Variants in ARHGAP6 observed in about 807,000 individuals in gnomAD.
ARHGAP6 encodes the protein rho GTPase-activating protein 6.
In ARHGAP6, 16 loss-of-function variants were observed where a neutral mutation model predicts 55.7. The ratio of observed to expected loss-of-function variants is 0.29; its 90% CI spans 0.19 to 0.44. The LOEUF is 0.44. Ranked by LOEUF, ARHGAP6 falls within the 20% of genes least tolerant of loss-of-function variation. The probability of loss-of-function intolerance (pLI) is 1.00; values close to 1 mark genes in which losing one functional copy is unlikely to be tolerated. For missense variants in ARHGAP6, 698 were observed against 808.9 expected (o/e 0.86, Z 1.66); for synonymous variants, 382 against 360.9 (o/e 1.06, Z -0.66).
intron 9 of ARHGAP6, 188 bp downstream of exon 9, chrX:11,169,317 T>A (rs2046057064): frequency 3.1e-6 from 1 of 321,108 alleles, no homozygotes; most frequent in African/African-American, 2.7e-5. Context: ...TGTTTAAACA[T>A]GGAGTCACAA....
chrX:11,525,220 G>C (rs764037553), intron 1 of ARHGAP6, among the ~76,000 whole-genome samples: 94 of 111,769 alleles, frequency 8.4e-4, no homozygotes, highest in African/African-American at 2.9e-3. Flanking sequence ...CCCTGACTCC[G>C]GTTGTTGGCA....
chrX:11,411,183 T>TTATATATATATA (rs201875323), intron 1 of ARHGAP6, among the ~76,000 whole-genome samples: 662 of 31,676 alleles, frequency 0.021, 22 homozygotes, highest in East Asian at 0.088. Context: ...CAGACATTAT[T>TTATATATATATA]TATATATATA....
intron 1 of ARHGAP6, among the ~76,000 whole-genome samples, chrX:11,617,939 C>T (rs1383017431): frequency 9.0e-6 from 1 of 111,587 alleles, no homozygotes; most frequent in African/African-American, 3.3e-5. Context: ...TATTTCTGTT[C>T]CTGCCAGGTA....
chrX:11,263,056 C>T (rs1209213791), intron 1 of ARHGAP6, among the ~76,000 whole-genome samples: 1 of 110,594 alleles, frequency 9.0e-6, no homozygotes, highest in Non-Finnish European at 1.9e-5. Flanking sequence ...ATGTTTGTCC[C>T]CTCCAAATCT....
chrX:11,407,585 G>A (rs1018548810), intron 1 of ARHGAP6, among the ~76,000 whole-genome samples: 2 of 111,683 alleles, frequency 1.8e-5, no homozygotes, highest in African/African-American at 6.5e-5. Flanking sequence ...TTTTCAAAGT[G>A]GCTGCAGCAT....
chrX:11,323,772 G>A (rs766701943), intron 1 of ARHGAP6, among the ~76,000 whole-genome samples: 2 of 107,091 alleles, frequency 1.9e-5, no homozygotes, highest in South Asian at 8.7e-4. Context: ...GGCTGAGGCA[G>A]GAGAATTGCT....
chrX:11,197,109 T>A (rs1053085115), intron 2 of ARHGAP6, 113 bp from the exon 3 acceptor site: 1 of 457,408 alleles, frequency 2.2e-6, no homozygotes, highest in African/African-American at 2.4e-5. Context: ...ACTTATAATT[T>A]GACATTTTAA....
intron 1 of ARHGAP6, among the ~76,000 whole-genome samples, chrX:11,369,348 C>T (rs2049118615): frequency 9.0e-6 from 1 of 111,148 alleles, no homozygotes; most frequent in Non-Finnish European, 1.9e-5. Flanking sequence ...AGATCCTATT[C>T]AGCAGGTCTG....
At position 11,188,880 on chromosome X, in the gene ARHGAP6, A is replaced by G; in HGVS notation, c.925T>C (p.Ser309Pro). 8.3e-7 allele frequency: 1 copy of G among 1,211,535 alleles called. No homozygotes were observed. The highest frequency in any genetic ancestry group is 1.7e-5 in the African/African-American group (1 of 57,729). Reference sequence around the variant, plus strand: ...GGGAGGAGGGAAGCCACAAAGTCAGATGCATCTTTCTGCTCGTCCCTCTGC... The same window carrying G: ...GGGAGGAGGGAAGCCACAAAGTCAGGTGCATCTTTCTGCTCGTCCCTCTGC... ...DLQRDEQKDASDFVASLLPFG... is the reference protein window; with the variant it reads ...DLQRDEQKDAPDFVASLLPFG... The change falls in exon 4 of 13, where the codon TCT becomes CCT. Residue 309 changes from serine (S) to proline (P), a missense_variant. Physicochemically the swap from Ser to Pro is moderately conservative, Grantham distance 74. Around this residue, in one of 3 missense-constraint regions of ARHGAP6, gnomAD observed 322 missense variants for 451.1 expected, o/e 0.71. Coordinates refer to ENST00000337414, the MANE Select transcript of ARHGAP6 (RefSeq NM_013427.3).
At chrX:11,401,989 A>G (rs999332746) in intron 1 of ARHGAP6, among the ~76,000 whole-genome samples, 5 of 111,998 alleles carry the variant, frequency 4.5e-5, no homozygotes, top group African/African-American at 1.6e-4. Context: ...ACTTTGTCCC[A>G]TCACTGTCCA....
chrX:11,469,337 T>C (rs897695404), intron 1 of ARHGAP6, among the ~76,000 whole-genome samples: 1 of 112,888 alleles, frequency 8.9e-6, no homozygotes, highest in African/African-American at 3.2e-5. Flanking sequence ...TTTCTAATTC[T>C]AGAAACTTAA....
intron 2 of ARHGAP6, among the ~76,000 whole-genome samples, chrX:11,241,611 G>T (rs2047283644): frequency 9.4e-6 from 1 of 106,011 alleles, no homozygotes; most frequent in African/African-American, 3.5e-5. Context: ...TCATACCCTA[G>T]ATTGTTGGTT....
At chrX:11,408,017 G>T (rs1284029342) in intron 1 of ARHGAP6, among the ~76,000 whole-genome samples, 3 of 111,482 alleles carry the variant, frequency 2.7e-5, no homozygotes, top group Non-Finnish European at 5.6e-5. Context: ...ATGATGAAAT[G>T]CTATTCAACA....
At chrX:11,144,456 A>G (rs768903269) in intron 10 of ARHGAP6, among the ~76,000 whole-genome samples, 2 of 112,339 alleles carry the variant, frequency 1.8e-5, no homozygotes, top group African/African-American at 3.2e-5. Flanking sequence ...AGTAAAACCC[A>G]ACAGATATAA....
intron 3 of ARHGAP6, among the ~76,000 whole-genome samples, chrX:11,194,330 T>C (rs376911326): frequency 5.4e-5 from 6 of 112,149 alleles, no homozygotes; most frequent in African/African-American, 1.9e-4. Flanking sequence ...TGACAGAATG[T>C]GGCCTGGTGA....
chrX:11,237,511 C>G lies in ARHGAP6; in HGVS notation c.748+17037G>C, dbSNP rs190588789. On this transcript the variant is annotated intron_variant, in intron 2 of 12. Transcript: ENST00000337414. The stretch of plus-strand genomic sequence containing the variant: ...TGTGCCCCAAGGCAGCATAGGCACC[C>G]AACCCTGGGCCACTGTACCCACTTA... Among the ~76,000 whole-genome samples, 266 of 112,117 alleles carry G rather than the reference C, an allele frequency of 2.4e-3. 1 individual carries two copies. Among genetic ancestry groups the G allele is most frequent in the Admixed American group, 3.5e-3 (37 of 10,578 alleles).
Position 11,174,605 on chromosome X carries a change from TTTC to T in ARHGAP6, c.1629+3492_1629+3494del, listed in dbSNP as rs1188041254. The stretch of plus-strand genomic sequence containing the variant: ...TTCTTTCTTTCTTTTTCTTTCTTTC[TTTC>T]TTTCTTTCTCTTTCTTTTCTTTCTT... On this transcript the variant is annotated intron_variant, in intron 8 of 12. Coordinates refer to ENST00000337414, the MANE Select transcript of ARHGAP6 (RefSeq NM_013427.3). Among the ~76,000 whole-genome samples, 4 of 92,407 alleles carry T rather than the reference TTTC, an allele frequency of 4.3e-5. 1 individual carries two copies. The highest frequency in any genetic ancestry group is 1.6e-4 in the African/African-American group (4 of 25,555). 80.2% of individuals were successfully genotyped at this position (92,407 alleles called of 115,157 possible). A position where few individuals can be genotyped will look rare whatever the true frequency, so the allele number is the denominator to read the frequency against.
intron 1 of ARHGAP6, among the ~76,000 whole-genome samples, chrX:11,302,980 A>T (rs2048190483): frequency 2.7e-5 from 3 of 112,388 alleles, no homozygotes; most frequent in Admixed American, 1.9e-4. Flanking sequence ...ACCAAGACTG[A>T]GTTTAAGGCC....
chrX:11,326,128 T>C, intron 1 of ARHGAP6, among the ~76,000 whole-genome samples: 1 of 28,112 alleles, frequency 3.6e-5, no homozygotes, highest in Non-Finnish European at 6.3e-5. Flanking sequence ...TCTTTCTTTC[T>C]TTCTTTTTTT....
Sources: gnomAD v4.1 joint callset for allele counts (sites outside exome capture counted in the v4.1 genomes callset) on GRCh38, gnomAD v4.1.1 for gene constraint, gnomAD v4.1.1 regional missense constraint, MANE v1.5 for transcripts, NCBI Gene and HGNC (gene_info 2026-07-23, HGNC 2026-07-21) for gene names.